METTL16: variants seen among roughly 807,000 people sequenced by gnomAD.
The protein encoded by METTL16 is methyltransferase 16, RNA N6-adenosine, also known as RNA N(6)-adenosine-methyltransferase METTL16.
METTL16 carries 19 observed loss-of-function variants against 57.9 expected under a neutral mutation model. That is an observed-to-expected ratio of 0.33 (90% CI 0.23 to 0.48). The LOEUF is 0.48. METTL16 is among the 20% of genes least tolerant of loss of function. The pLI, the probability that METTL16 is intolerant of heterozygous loss-of-function variation, is 0.99. For missense variants in METTL16, 434 were observed against 691.5 expected, an observed-to-expected ratio of 0.63 and a Z score of 4.18; for synonymous variants, 246 against 255.6, an observed-to-expected ratio of 0.96 and a Z score of 0.36.
At chr17:2,440,295 C>T (rs139108763) in intron 7 of METTL16, among the ~76,000 whole-genome samples, 1,734 of 151,910 alleles carry the variant, frequency 0.011, 18 homozygotes, top group Non-Finnish European at 0.018. Context: ...TGTCACCAGG[C>T]TGGAGTGCAG....
At chr17:2,504,477 A>G (rs541140851) in intron 1 of METTL16, among the ~76,000 whole-genome samples, 1 of 152,298 alleles carries the variant, frequency 6.6e-6, no homozygotes, top group African/African-American at 2.4e-5. Flanking sequence ...CTTTAAGAGC[A>G]TCAAAGTGAC....
In METTL16 at chr17:2,416,749, C is replaced by T. The variant is rs1426000179; in HGVS notation, c.*3221G>A. ...CACATCACCAAGATTTAATTTCATA[C>T]CAACCCCGCAACATGAATGTGACCT... On this transcript the variant is annotated 3_prime_UTR_variant, in exon 10 of 10. Transcript: ENST00000263092. The T allele has an allele frequency of 1.3e-5, 2 of 152,168 alleles. No individual in the cohort carries two copies. The highest frequency in any genetic ancestry group is 4.8e-5 in the African/African-American group (2 of 41,428). 9.4% of individuals were successfully genotyped at this position (152,168 alleles called of 1,614,324 possible). A position where few individuals can be genotyped will look rare whatever the true frequency, so the allele number is the denominator to read the frequency against.
At chr17:2,423,697 G>A (rs1378360713) in intron 8 of METTL16, among the ~76,000 whole-genome samples, 3 of 152,108 alleles carry the variant, frequency 2.0e-5, no homozygotes, top group Non-Finnish European at 4.4e-5. Context: ...TAAAAGGGCA[G>A]CACTTCCCAT....
In METTL16 at chr17:2,511,868, C is replaced by G. The variant is rs113646409; in HGVS notation, c.-110G>C. 4 of 398,662 alleles carry G rather than the reference C, an allele frequency of 1.0e-5. No individual in the cohort carries two copies. Among genetic ancestry groups the G allele is most frequent in the Non-Finnish European group, 4.4e-6 (1 of 226,138 alleles). The allele number at this position is 398,662 out of a possible 1,614,324, so 24.7% of individuals were successfully genotyped here. A position where few individuals can be genotyped will look rare whatever the true frequency, so the allele number is the denominator to read the frequency against. On this transcript the variant is annotated 5_prime_UTR_variant, in exon 1 of 10. Coordinates refer to ENST00000263092, the MANE Select transcript of METTL16 (RefSeq NM_024086.4). ...CTCCTAGAAACGCAGATGATACGCT[C>G]CCAGCGCGCCGCCATCTTGTGAAGC... is the stretch of plus-strand genomic sequence containing the variant.
chr17:2,437,259 C>T (rs1319330174), intron 8 of METTL16, among the ~76,000 whole-genome samples: 1 of 152,098 alleles, frequency 6.6e-6, no homozygotes, highest in Admixed American at 6.6e-5. Flanking sequence ...TGATCTATCA[C>T]CCAGCTTCAA....
chr17:2,490,161 TG>T (rs963207758), intron 2 of METTL16, among the ~76,000 whole-genome samples: 5 of 152,096 alleles, frequency 3.3e-5, no homozygotes, highest in African/African-American at 1.2e-4. Context: ...TGCACGCAGG[TG>T]GGTAGATGCG....
Position 2,443,777 on chromosome 17 carries a change from G to A in METTL16, c.729-2218C>T, listed in dbSNP as rs147972248. Among the ~76,000 whole-genome samples the A allele has an allele frequency of 2.2e-3, 339 of 152,278 alleles. 8 individuals carry two copies. In the East Asian group the frequency reaches 0.053, roughly 24 times the overall value. ...GCCTCCCGAAGTGCGGGGATTACAG[G>A]GGTGAGCCACCGCACCTGGCCTTAT... On this transcript the variant is annotated intron_variant, in intron 6 of 9. Coordinates refer to ENST00000263092, the MANE Select transcript of METTL16 (RefSeq NM_024086.4).
intron 8 of METTL16, among the ~76,000 whole-genome samples, chr17:2,433,194 A>G (rs2066886551): frequency 6.6e-6 from 1 of 152,226 alleles, no homozygotes; most frequent in Non-Finnish European, 1.5e-5. Context: ...GCTGGGTTGC[A>G]GTGGAGGACG....
chr17:2,488,066 T>C (rs192836633), intron 2 of METTL16, among the ~76,000 whole-genome samples: 10 of 151,800 alleles, frequency 6.6e-5, no homozygotes, highest in Admixed American at 6.6e-4. Flanking sequence ...ATATAGACAA[T>C]TTCAACTCTA....
chr17:2,421,183 C>T (rs1369931219), intron 8 of METTL16, among the ~76,000 whole-genome samples: 3 of 152,058 alleles, frequency 2.0e-5, no homozygotes, highest in Non-Finnish European at 4.4e-5. Context: ...GTAAGACCTC[C>T]ATCTCTAAAA....
intron 2 of METTL16, among the ~76,000 whole-genome samples, chr17:2,489,123 T>A (rs72805761): frequency 6.8e-6 from 1 of 146,444 alleles, no homozygotes; most frequent in African/African-American, 2.5e-5. Context: ...TTTTTTTTTA[T>A]TTTTTTTTAT....
In METTL16 at chr17:2,420,967, T is replaced by C; in HGVS notation, c.889-63A>G. 6.4e-7 allele frequency: 1 copy of C among 1,559,402 alleles called. No individual in the cohort carries two copies. Among genetic ancestry groups the C allele is most frequent in the Non-Finnish European group, 8.7e-7 (1 of 1,145,848 alleles). ...TATCCGAATAATTAAACCTCATGCA[T>C]TGTAATGAACTCAGAGAAAATTTCC... On this transcript the variant is annotated intron_variant, in intron 8 of 9. Coordinates refer to ENST00000263092, the MANE Select transcript of METTL16 (RefSeq NM_024086.4). The surrounding 1 kb of genome is among the most constrained non-coding windows in gnomAD (Gnocchi z 5.4).
intron 2 of METTL16, among the ~76,000 whole-genome samples, chr17:2,482,318 A>G (rs1597463980): frequency 6.6e-6 from 1 of 152,202 alleles, no homozygotes; most frequent in East Asian, 1.9e-4. Context: ...CATTTCATTC[A>G]TGTCGCAGTT....
intron 4 of METTL16, among the ~76,000 whole-genome samples, chr17:2,470,930 G>A (rs2067230865): frequency 6.6e-6 from 1 of 152,160 alleles, no homozygotes; most frequent in Non-Finnish European, 1.5e-5. Context: ...AAAGAGAAGA[G>A]GCAAGTTAAA....
chr17:2,447,160 C>A (rs2067004571), intron 6 of METTL16, among the ~76,000 whole-genome samples: 1 of 145,992 alleles, frequency 6.8e-6, no homozygotes, highest in Non-Finnish European at 1.5e-5. Flanking sequence ...CGCCGCCTTC[C>A]CATCTAGGAA....
intron 8 of METTL16, among the ~76,000 whole-genome samples, chr17:2,437,706 C>T (rs1315809156): frequency 6.6e-6 from 1 of 151,950 alleles, no homozygotes; most frequent in Admixed American, 6.6e-5. Flanking sequence ...AGTGCCACCA[C>T]GCCCAGCTAA....
intron 1 of METTL16, among the ~76,000 whole-genome samples, chr17:2,503,037 G>A (rs1169523569): frequency 2.6e-5 from 4 of 152,166 alleles, no homozygotes; most frequent in African/African-American, 9.7e-5. Context: ...AAAACGCTTG[G>A]CGGTTCTTTA....
chr17:2,439,203 G>A (rs893370606), intron 7 of METTL16, among the ~76,000 whole-genome samples: 8 of 152,058 alleles, frequency 5.3e-5, no homozygotes, highest in South Asian at 2.1e-4. Context: ...TCAACTTTCC[G>A]GGCTCAATGG....
intron 8 of METTL16, among the ~76,000 whole-genome samples, chr17:2,427,053 G>A (rs2066825320): frequency 6.6e-6 from 1 of 152,030 alleles, no homozygotes; most frequent in Non-Finnish European, 1.5e-5. Flanking sequence ...TGAGGCAGGA[G>A]AATAATAGCT....
Sources: gnomAD v4.1 joint callset for allele counts (sites outside exome capture counted in the v4.1 genomes callset) on GRCh38, gnomAD v4.1.1 for gene constraint, Gnocchi (gnomAD v3.1) non-coding constraint, MANE v1.5 for transcripts, NCBI Gene and HGNC (gene_info 2026-07-23, HGNC 2026-07-21) for gene names.